KLHL2: variants seen among roughly 807,000 people sequenced by gnomAD.
KLHL2 encodes kelch-like protein 2.
Under a neutral mutation model 75.8 loss-of-function variants are expected in KLHL2, and 15 were observed. That is an observed-to-expected ratio of 0.20 (90% CI 0.13 to 0.30). The LOEUF is 0.30. Among genes scored for constraint, KLHL2 ranks in the 10% least tolerant of loss-of-function variants. The probability of loss-of-function intolerance (pLI) is 1.00; values close to 1 mark genes in which losing one functional copy is unlikely to be tolerated. For missense variants in KLHL2, 381 were observed against 741.0 expected (o/e 0.51, Z 5.64); for synonymous variants, 214 against 251.9 (o/e 0.85, Z 1.42).
chr4:165,207,767 C>G lies in KLHL2; in HGVS notation c.-110C>G. On this transcript the variant is annotated 5_prime_UTR_variant, in exon 1 of 15. Transcript: ENST00000226725. This position sits in a 1 kb window ranked among gnomAD's most constrained non-coding sequence, Gnocchi z 4.2. Reference sequence around the variant, plus strand: ...GGTGAGGAGAGCGCGGCGCCCCCTCCGGGGCGGATGGAACGCGGCTCGGCG... The same window carrying G: ...GGTGAGGAGAGCGCGGCGCCCCCTCGGGGGCGGATGGAACGCGGCTCGGCG... 1.0e-6 allele frequency: 1 copy of G among 979,536 alleles called. No individual in the cohort carries two copies. The highest frequency in any genetic ancestry group is 1.4e-6 in the Non-Finnish European group (1 of 709,862). The allele number at this position is 979,536 out of a possible 1,614,324, so 60.7% of individuals were successfully genotyped here. A position where few individuals can be genotyped will look rare whatever the true frequency, so the allele number is the denominator to read the frequency against.
chr4:165,307,840 G>A (rs892401375), intron 9 of KLHL2, among the ~76,000 whole-genome samples: 2 of 152,102 alleles, frequency 1.3e-5, no homozygotes, highest in South Asian at 4.1e-4. Context: ...ATAAATATAT[G>A]TATCTAAGAT....
chr4:165,262,804 TCTGAA>T (rs1440717265), intron 4 of KLHL2, among the ~76,000 whole-genome samples: 1 of 152,110 alleles, frequency 6.6e-6, no homozygotes, highest in Non-Finnish European at 1.5e-5. Flanking sequence ...GTCTCAAACT[TCTGAA>T]CTCAAGCGAT....
Position 165,219,948 on chromosome 4 carries a change from G to T in KLHL2, c.41G>T (p.Gly14Val), listed in dbSNP as rs754375817. ...TTTATGTACAGATGCACAAAGCAGGGTCATCAGAAGCCTCTCGATTCAAAA... is the reference window on the plus strand; with the variant it reads ...TTTATGTACAGATGCACAAAGCAGGTTCATCAGAAGCCTCTCGATTCAAAA... ...PPLPPACTKQ[G>V]HQKPLDSKDD... Residue 14 changes from glycine (G) to valine (V), a missense_variant, in exon 2 of 15, where the codon GGT becomes GTT. Physicochemically the swap from Gly to Val is moderately radical, Grantham distance 109. Coordinates refer to ENST00000226725, the MANE Select transcript of KLHL2 (RefSeq NM_007246.4). 6.2e-7 allele frequency: 1 copy of T among 1,613,246 alleles called. No individual in the cohort carries two copies. Among genetic ancestry groups the T allele is most frequent in the African/African-American group, 1.3e-5 (1 of 74,872 alleles).
chr4:165,306,237 A>G (rs1275138395), intron 9 of KLHL2, among the ~76,000 whole-genome samples: 2 of 152,242 alleles, frequency 1.3e-5, no homozygotes, highest in Non-Finnish European at 2.9e-5. Context: ...TCTGTCTCCC[A>G]TAGCGAAATG....
intron 8 of KLHL2, among the ~76,000 whole-genome samples, chr4:165,303,394 T>C (rs1396081666): frequency 6.6e-6 from 1 of 152,020 alleles, no homozygotes; most frequent in Non-Finnish European, 1.5e-5. Flanking sequence ...CTAAGACTCT[T>C]TCAACTATTG....
At chr4:165,275,447 A>G (rs909894079) in intron 5 of KLHL2, among the ~76,000 whole-genome samples, 9 of 152,162 alleles carry the variant, frequency 5.9e-5, no homozygotes, top group African/African-American at 1.2e-4. Context: ...TATGAATTTT[A>G]TTCAGTATTT....
In KLHL2 at chr4:165,319,375, C is replaced by T. The variant is rs1460993285; in HGVS notation, c.1753+1406C>T. ...GTGATGGTGCTAGGAAGTGCTTCAA[C>T]GAAGCAGAGAAGAGTCATGACATTA... On this transcript the variant is annotated intron_variant, in intron 14 of 14. Transcript: ENST00000226725. The surrounding 1 kb of genome is among the most constrained non-coding windows in gnomAD (Gnocchi z 4.5). Among the ~76,000 whole-genome samples the T allele has an allele frequency of 2.0e-5, 3 of 152,086 alleles. No homozygotes were observed. The highest frequency in any genetic ancestry group is 4.4e-5 in the Non-Finnish European group (3 of 68,032).
intron 6 of KLHL2, 76 bp from the exon 7 acceptor site, chr4:165,297,533 G>A: frequency 1.2e-6 from 1 of 836,874 alleles, no homozygotes; most frequent in Non-Finnish European, 2.1e-6. Flanking sequence ...TATATAAAAT[G>A]TAGTCTCATA....
chr4:165,241,187 A>AT (rs1739790214), intron 4 of KLHL2, among the ~76,000 whole-genome samples: 1 of 152,160 alleles, frequency 6.6e-6, no homozygotes, highest in Non-Finnish European at 1.5e-5. Context: ...GCTTTCTTTT[A>AT]TTTTCAATTG....
rs1746702729 is a variant in KLHL2, at chr4:165,317,950, C to T, written c.1734C>T (p.Ser578=). ...DKWTVVSSCM[S]TGRSYAGVTV... ...GGACAGTTGTGTCATCGTGTATGAG[C>T]ACAGGGAGAAGTTATGCAGGTAACA... Residue 578 remains serine (S), a synonymous_variant, in exon 14 of 15, where the codon AGC becomes AGT. Transcript: ENST00000226725. 6.2e-7 allele frequency: 1 copy of T among 1,613,806 alleles called. No individual in the cohort carries two copies.
At chr4:165,295,200 T>TCAGA (rs1744820236) in intron 6 of KLHL2, among the ~76,000 whole-genome samples, 1 of 152,228 alleles carries the variant, frequency 6.6e-6, no homozygotes, top group Non-Finnish European at 1.5e-5. Flanking sequence ...CACACGGGAA[T>TCAGA]CAGAGCACAA....
At chr4:165,296,657 C>T (rs554463094) in intron 6 of KLHL2, among the ~76,000 whole-genome samples, 28 of 152,154 alleles carry the variant, frequency 1.8e-4, no homozygotes, top group African/African-American at 6.3e-4. Context: ...GAAGTCATAC[C>T]AGTGAGCAGC....
chr4:165,296,514 G>T (rs1579147284), intron 6 of KLHL2, among the ~76,000 whole-genome samples: 2 of 152,298 alleles, frequency 1.3e-5, no homozygotes, highest in Admixed American at 1.3e-4. Flanking sequence ...TAGATTCAGT[G>T]TGGAGGGTTA....
intron 5 of KLHL2, among the ~76,000 whole-genome samples, chr4:165,274,834 AG>A (rs1311239049): frequency 6.6e-6 from 1 of 152,220 alleles, no homozygotes; most frequent in African/African-American, 2.4e-5. Context: ...CAGTATCTTT[AG>A]GGAAAGTAAA....
chr4:165,229,820 T>C (rs1401854168), intron 3 of KLHL2, among the ~76,000 whole-genome samples: 2 of 152,196 alleles, frequency 1.3e-5, no homozygotes, highest in Admixed American at 6.5e-5. Context: ...CCAGACCTGA[T>C]GGATTGAGGG....
In KLHL2 at chr4:165,207,786, C is replaced by A; in HGVS notation, c.-91C>A. 3.4e-6 allele frequency: 4 copies of A among 1,187,720 alleles called. No individual in the cohort carries two copies. The highest frequency in any genetic ancestry group is 3.9e-5 in the East Asian group (1 of 25,948). The allele number at this position is 1,187,720 out of a possible 1,614,324, so 73.6% of individuals were successfully genotyped here. On this transcript the variant is annotated 5_prime_UTR_variant, in exon 1 of 15. Transcript: ENST00000226725. This position sits in a 1 kb window ranked among gnomAD's most constrained non-coding sequence, Gnocchi z 4.2. ...CCCCTCCGGGGCGGATGGAACGCGGCTCGGCGGGCGGGCAGTGCCGGCGTC... is the reference window on the plus strand; with the variant it reads ...CCCCTCCGGGGCGGATGGAACGCGGATCGGCGGGCGGGCAGTGCCGGCGTC...
chr4:165,209,970 A>G (rs1578957875), intron 1 of KLHL2: 4 of 1,454,068 alleles, frequency 2.8e-6, no homozygotes, highest in Middle Eastern at 2.1e-4. Flanking sequence ...CGTGTGCCGG[A>G]TTTGAGACTT....
intron 4 of KLHL2, among the ~76,000 whole-genome samples, chr4:165,260,193 A>T (rs562475380): frequency 6.6e-6 from 1 of 152,232 alleles, no homozygotes; most frequent in Non-Finnish European, 1.5e-5. Context: ...GAGCTATTGA[A>T]GTTTAGTCCT....
intron 4 of KLHL2, among the ~76,000 whole-genome samples, chr4:165,239,325 G>A (rs1305010091): frequency 6.7e-6 from 1 of 149,218 alleles, no homozygotes; most frequent in African/African-American, 2.5e-5. Context: ...GTGTGGTGGT[G>A]TGATCATGGA....
Sources: gnomAD v4.1 joint callset for allele counts (sites outside exome capture counted in the v4.1 genomes callset) on GRCh38, gnomAD v4.1.1 for gene constraint, Gnocchi (gnomAD v3.1) non-coding constraint, MANE v1.5 for transcripts, NCBI Gene and HGNC (gene_info 2026-07-23, HGNC 2026-07-21) for gene names.